KCNIP4: variants seen among roughly 807,000 people sequenced by gnomAD.
The protein encoded by KCNIP4 is Kv channel-interacting protein 4.
KCNIP4 carries 12 observed loss-of-function variants against 34.0 expected under a neutral mutation model. The ratio of observed to expected loss-of-function variants is 0.35; its 90% CI spans 0.23 to 0.57. The LOEUF is 0.57. Among genes scored for constraint, KCNIP4 ranks in the 20% least tolerant of loss-of-function variants. The pLI is 0.83. For missense variants in KCNIP4, 238 were observed against 311.7 expected (o/e 0.76, Z 1.78); for synonymous variants, 124 against 102.2 (o/e 1.21, Z -1.29).
chr4:20,985,483 G>A (rs925986606), intron 1 of KCNIP4, among the ~76,000 whole-genome samples: 2 of 152,230 alleles, frequency 1.3e-5, no homozygotes, highest in Admixed American at 1.3e-4. Context: ...TGTAGGTGAG[G>A]AAAACAAAGC....
Position 20,844,528 on chromosome 4 carries a change from A to G in KCNIP4, c.288+6015T>C, listed in dbSNP as rs1054325479. Among the ~76,000 whole-genome samples the G allele has an allele frequency of 4.9e-4, 75 of 152,174 alleles. 2 individuals are homozygous for G. Among genetic ancestry groups the G allele is most frequent in the Non-Finnish European group, 1.5e-5 (1 of 68,030 alleles). ...AATGAAGTGATTTACTGAGGGTAAC[A>G]CAGTCTATGAAAGCGTTCAAGAATA... On this transcript the variant is annotated intron_variant, in intron 3 of 8. Coordinates refer to ENST00000382152, the MANE Select transcript of KCNIP4 (RefSeq NM_025221.6).
At chr4:21,518,361 C>T (rs1207055812) in intron 1 of KCNIP4, among the ~76,000 whole-genome samples, 1 of 152,136 alleles carries the variant, frequency 6.6e-6, no homozygotes, top group Non-Finnish European at 1.5e-5. Flanking sequence ...TCTAAGACAC[C>T]TAGTAGAAAC....
chr4:21,846,509 G>C (rs879005222), intron 1 of KCNIP4: 1 of 152,018 alleles, frequency 6.6e-6, no homozygotes, highest in South Asian at 2.1e-4. Context: ...GACAGTAATG[G>C]ACATGCACGT....
At chr4:20,896,211 T>C (rs1178686332) in intron 1 of KCNIP4, among the ~76,000 whole-genome samples, 1 of 152,132 alleles carries the variant, frequency 6.6e-6, no homozygotes, top group Non-Finnish European at 1.5e-5. Flanking sequence ...CACCCAACGC[T>C]AAGAGACAAG....
intron 1 of KCNIP4, among the ~76,000 whole-genome samples, chr4:20,899,486 A>G (rs746265558): frequency 5.3e-5 from 8 of 152,202 alleles, no homozygotes; most frequent in Non-Finnish European, 7.3e-5. Context: ...CCATGACAAG[A>G]TGATAGATGT....
intron 1 of KCNIP4, among the ~76,000 whole-genome samples, chr4:21,603,299 T>G (rs541382992): frequency 6.6e-6 from 1 of 151,976 alleles, no homozygotes; most frequent in East Asian, 1.9e-4. Context: ...CCATAAGAGA[T>G]CATAGAGATC....
At chr4:21,771,326 C>T (rs552785246) in intron 1 of KCNIP4, among the ~76,000 whole-genome samples, 2 of 152,270 alleles carry the variant, frequency 1.3e-5, no homozygotes, top group South Asian at 4.1e-4. Flanking sequence ...AAGTACCATG[C>T]TATTTTGGTT....
At chr4:20,939,859 CT>C (rs1731461559) in intron 1 of KCNIP4, among the ~76,000 whole-genome samples, 1 of 152,214 alleles carries the variant, frequency 6.6e-6, no homozygotes, top group Non-Finnish European at 1.5e-5. Context: ...ATGTTTTCCA[CT>C]TCATCCAAAG....
At chr4:21,357,254 G>A (rs1297852376) in intron 1 of KCNIP4, among the ~76,000 whole-genome samples, 1 of 152,082 alleles carries the variant, frequency 6.6e-6, no homozygotes, top group African/African-American at 2.4e-5. Flanking sequence ...ACATAGGCTT[G>A]GGCAAAGACT....
At chr4:21,078,090 TGACATAAG>T (rs1745662444) in intron 1 of KCNIP4, among the ~76,000 whole-genome samples, 1 of 151,994 alleles carries the variant, frequency 6.6e-6, no homozygotes, top group Non-Finnish European at 1.5e-5. Flanking sequence ...AGGGTGATGA[TGACATAAG>T]GACACCACTG....
chr4:21,537,201 C>T (rs1737248149), intron 1 of KCNIP4, among the ~76,000 whole-genome samples: 1 of 152,184 alleles, frequency 6.6e-6, no homozygotes, highest in South Asian at 2.1e-4. Context: ...TTCTCAGACT[C>T]TACAGGAGAT....
At chr4:21,636,145 G>C (rs1368946938) in intron 1 of KCNIP4, among the ~76,000 whole-genome samples, 1 of 123,498 alleles carries the variant, frequency 8.1e-6, no homozygotes, top group African/African-American at 3.0e-5. Flanking sequence ...GTTGTGGGGT[G>C]GGGGGAGGGG....
intron 1 of KCNIP4, among the ~76,000 whole-genome samples, chr4:21,497,281 G>A (rs1056209135): frequency 2.0e-5 from 3 of 152,152 alleles, no homozygotes; most frequent in African/African-American, 4.8e-5. Flanking sequence ...ATATGATAGT[G>A]CTTGGCACAC....
chr4:21,265,360 AAAG>A (rs1761734575), intron 1 of KCNIP4, among the ~76,000 whole-genome samples: 1 of 152,192 alleles, frequency 6.6e-6, no homozygotes, highest in Non-Finnish European at 1.5e-5. Flanking sequence ...GGGAAGCAAT[AAAG>A]AAGTTTGACT....
chr4:20,731,219 G>A, intron 8 of KCNIP4: 1 of 180,090 alleles, frequency 5.6e-6, no homozygotes, highest in Non-Finnish European at 1.1e-5. Context: ...TCAGCCACGT[G>A]CCACCGTGCC....
chr4:21,670,381 T>TG (rs1216160922), intron 1 of KCNIP4, among the ~76,000 whole-genome samples: 8 of 125,408 alleles, frequency 6.4e-5, no homozygotes, highest in African/African-American at 2.5e-4. Flanking sequence ...TGAGATCACA[T>TG]GGACACAGGA....
chr4:21,266,038 T>A (rs952139380), intron 1 of KCNIP4, among the ~76,000 whole-genome samples: 3 of 152,180 alleles, frequency 2.0e-5, no homozygotes, highest in Admixed American at 2.0e-4. Context: ...TTCAATAAGG[T>A]AGGTACTATC....
At chr4:21,079,499 T>C (rs984809823) in intron 1 of KCNIP4, among the ~76,000 whole-genome samples, 3 of 150,058 alleles carry the variant, frequency 2.0e-5, no homozygotes, top group African/African-American at 7.6e-5. Flanking sequence ...GCCCCACTTC[T>C]CATTTTGCCA....
At chr4:21,940,323 A>C (rs2109018667) in intron 1 of KCNIP4, among the ~76,000 whole-genome samples, 1 of 152,266 alleles carries the variant, frequency 6.6e-6, no homozygotes, top group Non-Finnish European at 1.5e-5. Context: ...GTAAAAGGTC[A>C]AGTTCAATAT....
Sources: allele counts gnomAD v4.1 joint callset (sites outside exome capture counted in the v4.1 genomes callset), GRCh38; gene constraint gnomAD v4.1.1; transcripts MANE v1.5; gene names NCBI Gene and HGNC (gene_info 2026-07-23, HGNC 2026-07-21).